MRAP2: variants seen among roughly 807,000 people sequenced by gnomAD.
MRAP2 encodes melanocortin 2 receptor accessory protein 2.
A neutral mutation model predicts 17.4 loss-of-function variants in MRAP2; 20 were observed. The observed-to-expected ratio is 1.15, with a 90% confidence interval of 0.81 to 1.67. The LOEUF is 1.67. Ranked by LOEUF, MRAP2 falls within the 40% of genes most tolerant of loss-of-function variation. The probability of loss-of-function intolerance (pLI) is 0.00; values close to 1 mark genes in which losing one functional copy is unlikely to be tolerated. For synonymous variants in MRAP2, 96 were observed against 88.4 expected (o/e 1.09, Z -0.48); for missense variants, 238 against 240.0 (o/e 0.99, Z 0.05).
the MRAP2 span, chr6:84,126,563 C>T: frequency 7.8e-7 from 1 of 1,283,276 alleles, no homozygotes; most frequent in South Asian, 1.6e-5. Context: ...AAGAATTTAA[C>T]AGGTAATCTT....
the MRAP2 span, among the ~76,000 whole-genome samples, chr6:84,116,293 G>A: frequency 6.6e-6 from 1 of 152,062 alleles, no homozygotes; most frequent in Non-Finnish European, 1.5e-5. Flanking sequence ...GAGGTAATTG[G>A]ATCATAAGGG....
At chr6:84,061,382 T>C (rs1001962784) in intron 2 of MRAP2, among the ~76,000 whole-genome samples, 9 of 152,234 alleles carry the variant, frequency 5.9e-5, no homozygotes, top group Non-Finnish European at 1.3e-4. Flanking sequence ...GTCCTAGATT[T>C]GAGGCCTTAT....
the MRAP2 span, among the ~76,000 whole-genome samples, chr6:84,134,953 CACAT>C: frequency 2.2e-4 from 29 of 129,654 alleles, no homozygotes; most frequent in East Asian, 8.0e-4. Flanking sequence ...CACACACACA[CACAT>C]ATATAGTGTT....
At chr6:84,069,710 A>G (rs1180485918) in intron 3 of MRAP2, among the ~76,000 whole-genome samples, 2 of 152,096 alleles carry the variant, frequency 1.3e-5, no homozygotes, top group Non-Finnish European at 1.5e-5. Flanking sequence ...TCTGCTGTGA[A>G]TCTGTCTGGT....
chr6:84,041,063 G>C (rs1041744026), intron 1 of MRAP2, among the ~76,000 whole-genome samples: 21 of 152,084 alleles, frequency 1.4e-4, no homozygotes, highest in African/African-American at 5.1e-4. Flanking sequence ...CTGGGTTCAG[G>C]CCCCCCCTGC....
At chr6:84,114,998 G>T in the MRAP2 span, among the ~76,000 whole-genome samples, 2 of 152,182 alleles carry the variant, frequency 1.3e-5, no homozygotes, top group African/African-American at 4.8e-5. Flanking sequence ...TCTCCTGTAT[G>T]AGGTGTCTGT....
chr6:84,107,587 C>T, the MRAP2 span, among the ~76,000 whole-genome samples: 1 of 152,086 alleles, frequency 6.6e-6, no homozygotes, highest in East Asian at 1.9e-4. Flanking sequence ...AATTGTGATA[C>T]AGTGCTGGAG....
chr6:84,042,742 G>T (rs565584401), intron 1 of MRAP2, among the ~76,000 whole-genome samples: 160 of 152,318 alleles, frequency 1.1e-3, no homozygotes, highest in Non-Finnish European at 1.8e-3. Flanking sequence ...TTGTCCTGAG[G>T]TTGCAGTGGG....
At chr6:84,092,020 C>T (rs1220501463), downstream of MRAP2, among the ~76,000 whole-genome samples, 1 of 152,190 alleles carries the variant, frequency 6.6e-6, no homozygotes, top group African/African-American at 2.4e-5. Context: ...GGTGTTAGCA[C>T]AGCAGCATTC....
chr6:84,127,087 C>A, the MRAP2 span, among the ~76,000 whole-genome samples: 694 of 152,112 alleles, frequency 4.6e-3, 8 homozygotes, highest in African/African-American at 0.016. Flanking sequence ...ACCTGGGGAT[C>A]CAGAGATTAA....
chr6:84,041,953 G>C (rs2099487699), intron 1 of MRAP2, among the ~76,000 whole-genome samples: 1 of 152,176 alleles, frequency 6.6e-6, no homozygotes, highest in South Asian at 2.1e-4. Context: ...GAGGATATGA[G>C]ATTTGGGAGG....
Position 84,055,450 on chromosome 6 carries a change from G to T in MRAP2, c.127+5G>T, listed in dbSNP as rs2099491444. On this transcript the variant is annotated splice_donor_5th_base_variant and intron_variant, in intron 2 of 3. Coordinates refer to ENST00000257776, the MANE Select transcript of MRAP2 (RefSeq NM_138409.4). ...AAGGACTGAAGGCTCATAAATGTAA[G>T]TTTTATACAATTCCTCATTGAAAGC... is the stretch of plus-strand genomic sequence containing the variant. 1.2e-6 allele frequency: 2 copies of T among 1,610,060 alleles called. No homozygotes were observed. Among genetic ancestry groups the T allele is most frequent in the Non-Finnish European group, 1.7e-6 (2 of 1,178,528 alleles).
intron 1 of MRAP2, among the ~76,000 whole-genome samples, chr6:84,052,515 T>C (rs2099490695): frequency 6.6e-6 from 1 of 152,248 alleles, no homozygotes; most frequent in Non-Finnish European, 1.5e-5. Flanking sequence ...TTGGTCTTTG[T>C]GCATCTGATG....
chr6:84,125,880 T>C, the MRAP2 span, among the ~76,000 whole-genome samples: 1 of 152,174 alleles, frequency 6.6e-6, no homozygotes, highest in Non-Finnish European at 1.5e-5. Context: ...TAATACACTG[T>C]TCAAACCAAG....
upstream of MRAP2, chr6:84,033,672 G>A: frequency 1.0e-6 from 1 of 984,054 alleles, no homozygotes; most frequent in Non-Finnish European, 1.2e-6. Flanking sequence ...TCTCGCGCTG[G>A]GGAGGCGGCT....
At chr6:84,092,074 A>G (rs765440919), downstream of MRAP2, among the ~76,000 whole-genome samples, 8 of 152,034 alleles carry the variant, frequency 5.3e-5, no homozygotes, top group Non-Finnish European at 2.9e-5. Flanking sequence ...TGCCTTTTCT[A>G]TCTTCCAGGG....
the MRAP2 span, among the ~76,000 whole-genome samples, chr6:84,130,071 C>A: frequency 1.3e-5 from 2 of 152,148 alleles, no homozygotes; most frequent in East Asian, 3.9e-4. Flanking sequence ...TTAGCATGAA[C>A]GGCTGTTGAA....
intron 1 of MRAP2, among the ~76,000 whole-genome samples, chr6:84,052,550 T>C (rs2099490711): frequency 6.6e-6 from 1 of 152,212 alleles, no homozygotes; most frequent in South Asian, 2.1e-4. Flanking sequence ...ATTTGAGGCT[T>C]GCATGAAAAA....
At chr6:84,113,939 C>T in the MRAP2 span, among the ~76,000 whole-genome samples, 22 of 152,262 alleles carry the variant, frequency 1.4e-4, no homozygotes, top group African/African-American at 3.6e-4. Context: ...GGGTTTCTGC[C>T]GAGAGATCTG....
Sources: gnomAD v4.1 joint callset for allele counts (sites outside exome capture counted in the v4.1 genomes callset) on GRCh38, gnomAD v4.1.1 for gene constraint, MANE v1.5 for transcripts, NCBI Gene and HGNC (gene_info 2026-07-23, HGNC 2026-07-21) for gene names.